Variants in CLSTN2 observed in about 807,000 individuals in gnomAD.
CLSTN2 encodes calsyntenin 2, also known as calsyntenin-2.
A neutral mutation model predicts 101.2 loss-of-function variants in CLSTN2; 48 were observed. The ratio of observed to expected loss-of-function variants is 0.47; its 90% CI spans 0.38 to 0.60. The LOEUF is 0.60. CLSTN2 is among the 20% of genes least tolerant of loss of function. The probability of loss-of-function intolerance (pLI) is 0.00; values close to 1 mark genes in which losing one functional copy is unlikely to be tolerated. For missense variants in CLSTN2, 1,160 were observed against 1,238.2 expected, an observed-to-expected ratio of 0.94 and a Z score of 0.95; for synonymous variants, 481 against 463.6, an observed-to-expected ratio of 1.04 and a Z score of -0.48.
At chr3:140,254,904 A>G (rs1166516489) in intron 2 of CLSTN2, among the ~76,000 whole-genome samples, 1 of 152,192 alleles carries the variant, frequency 6.6e-6, no homozygotes, top group Non-Finnish European at 1.5e-5. Context: ...TTTGCAAACT[A>G]TGCATCCAAC....
intron 6 of CLSTN2, among the ~76,000 whole-genome samples, chr3:140,450,467 T>G (rs1559873133): frequency 1.3e-5 from 2 of 152,216 alleles, no homozygotes; most frequent in Admixed American, 6.5e-5. Context: ...CTCCTACTCC[T>G]GCACATAGTT....
intron 1 of CLSTN2, among the ~76,000 whole-genome samples, chr3:140,077,508 G>C (rs1355850836): frequency 6.6e-6 from 1 of 152,138 alleles, no homozygotes; most frequent in Admixed American, 6.5e-5. Flanking sequence ...AGTTATTTCT[G>C]TTTCTGTTGG....
intron 1 of CLSTN2, among the ~76,000 whole-genome samples, chr3:140,080,224 ACT>A (rs2008573534): frequency 6.6e-6 from 1 of 152,114 alleles, no homozygotes; most frequent in East Asian, 1.9e-4. Flanking sequence ...CTTCCTCTAG[ACT>A]CTGGCCACAG....
intron 1 of CLSTN2, among the ~76,000 whole-genome samples, chr3:140,172,117 G>A (rs891072762): frequency 1.3e-5 from 2 of 150,448 alleles, no homozygotes; most frequent in Non-Finnish European, 2.9e-5. Context: ...TATGAATTAG[G>A]GTGTGAAGTT....
intron 1 of CLSTN2, among the ~76,000 whole-genome samples, chr3:139,973,016 T>C (rs191777183): frequency 1.0e-3 from 154 of 152,364 alleles, no homozygotes; most frequent in African/African-American, 3.7e-3. Context: ...CATTTATGGA[T>C]GAAATGTTGG....
intron 2 of CLSTN2, among the ~76,000 whole-genome samples, chr3:140,318,269 G>T (rs2087248059): frequency 6.6e-6 from 1 of 152,168 alleles, no homozygotes; most frequent in Admixed American, 6.5e-5. Flanking sequence ...ATGAGACACA[G>T]GGAAGGGAGC....
At chr3:140,527,245 T>C (rs1053206844) in intron 8 of CLSTN2, among the ~76,000 whole-genome samples, 2 of 151,660 alleles carry the variant, frequency 1.3e-5, no homozygotes, top group African/African-American at 2.4e-5. Context: ...AAACAAATAA[T>C]CTCATTTAAA....
chr3:140,402,211 A>G (rs757065863), intron 2 of CLSTN2, among the ~76,000 whole-genome samples: 1 of 152,172 alleles, frequency 6.6e-6, no homozygotes, highest in African/African-American at 2.4e-5. Context: ...TCTTTCCTGA[A>G]TGAGACTTGA....
intron 8 of CLSTN2, among the ~76,000 whole-genome samples, chr3:140,503,852 A>T (rs887223049): frequency 6.6e-6 from 1 of 152,210 alleles, no homozygotes; most frequent in Non-Finnish European, 1.5e-5. Context: ...TAGGACCCAC[A>T]GTATGTGGCA....
At chr3:140,303,399 C>T (rs1267544579) in intron 2 of CLSTN2, among the ~76,000 whole-genome samples, 2 of 152,158 alleles carry the variant, frequency 1.3e-5, no homozygotes, top group Non-Finnish European at 2.9e-5. Flanking sequence ...AGGTCAGACT[C>T]TAGTCCCAGC....
intron 2 of CLSTN2, among the ~76,000 whole-genome samples, chr3:140,322,161 G>T (rs188832662): frequency 6.6e-6 from 1 of 152,310 alleles, no homozygotes; most frequent in Non-Finnish European, 1.5e-5. Flanking sequence ...CTACAGTGTT[G>T]GGGAGAGGCA....
chr3:140,318,440 G>A (rs905691987), intron 2 of CLSTN2, among the ~76,000 whole-genome samples: 7 of 152,202 alleles, frequency 4.6e-5, no homozygotes, highest in Non-Finnish European at 7.3e-5. Flanking sequence ...TCAGGATGCT[G>A]GGTTTATGCA....
At chr3:139,964,711 G>A (rs1358310675) in intron 1 of CLSTN2, among the ~76,000 whole-genome samples, 2 of 152,148 alleles carry the variant, frequency 1.3e-5, no homozygotes, top group African/African-American at 4.8e-5. Flanking sequence ...TGACTCCTGT[G>A]TCTTCTCCCA....
Position 140,532,474 on chromosome 3 carries a change from G to A in CLSTN2, c.1495G>A (p.Ala499Thr), listed in dbSNP as rs751456564. Residue 499 changes from alanine to threonine, a missense_variant, in exon 9 of 17, where the codon GCT (alanine) becomes ACT (threonine). Physicochemically the swap from Ala to Thr is moderately conservative, Grantham distance 58. Transcript: ENST00000458420. ...SHIAMQLTVGACWQGGEVTKP... is the reference protein window; with the variant it reads ...SHIAMQLTVGTCWQGGEVTKP... Reference sequence around the variant, plus strand: ...CATAGCCATGCAACTCACAGTCGGCGCTTGTTGGCAAGGTAATCCTAAGTG... The same window carrying A: ...CATAGCCATGCAACTCACAGTCGGCACTTGTTGGCAAGGTAATCCTAAGTG... The A allele has an allele frequency of 1.1e-5, 17 of 1,612,746 alleles. No individual in the cohort carries two copies. Among genetic ancestry groups the A allele is most frequent in the South Asian group, 4.4e-5 (4 of 90,786 alleles).
chr3:140,319,912 AAAC>A (rs1559837934), intron 2 of CLSTN2, among the ~76,000 whole-genome samples: 1 of 152,246 alleles, frequency 6.6e-6, no homozygotes, highest in Non-Finnish European at 1.5e-5. Flanking sequence ...CTCTTGCTGC[AAAC>A]AACTCGCAGC....
intron 2 of CLSTN2, among the ~76,000 whole-genome samples, chr3:140,374,551 A>C (rs1342020616): frequency 6.6e-6 from 1 of 152,234 alleles, no homozygotes; most frequent in Non-Finnish European, 1.5e-5. Flanking sequence ...TAATTTTAAC[A>C]GGAATGAAAA....
chr3:140,332,760 G>A (rs2087398012), intron 2 of CLSTN2, among the ~76,000 whole-genome samples: 2 of 151,624 alleles, frequency 1.3e-5, no homozygotes, highest in Middle Eastern at 3.4e-3. Flanking sequence ...ACAGAGATAG[G>A]TAGGAGACAA....
chr3:140,327,467 C>T (rs955267005), intron 2 of CLSTN2, among the ~76,000 whole-genome samples: 1 of 152,182 alleles, frequency 6.6e-6, no homozygotes, highest in Non-Finnish European at 1.5e-5. Flanking sequence ...CTGCTGGGCT[C>T]AGGTTAGGAA....
intron 2 of CLSTN2, among the ~76,000 whole-genome samples, chr3:140,309,991 T>C (rs996914822): frequency 6.6e-6 from 1 of 152,262 alleles, no homozygotes; most frequent in Middle Eastern, 3.4e-3. Flanking sequence ...GGGCCCCTTC[T>C]ACCCTGTCCT....
Sources: gnomAD v4.1 joint callset for allele counts (sites outside exome capture counted in the v4.1 genomes callset) on GRCh38, gnomAD v4.1.1 for gene constraint, MANE v1.5 for transcripts, NCBI Gene and HGNC (gene_info 2026-07-23, HGNC 2026-07-21) for gene names.